ADCY9: variants seen among roughly 807,000 people sequenced by gnomAD.
ADCY9 encodes the protein adenylate cyclase 9.
ADCY9 carries 50 observed loss-of-function variants against 101.5 expected under a neutral mutation model. The ratio of observed to expected loss-of-function variants is 0.49; its 90% confidence interval spans 0.39 to 0.62. ADCY9 has a LOEUF of 0.62. Ranked by LOEUF, ADCY9 falls within the 20% of genes least tolerant of loss-of-function variation. The probability of loss-of-function intolerance (pLI) is 0.00; values close to 1 mark genes in which losing one functional copy is unlikely to be tolerated. For missense variants in ADCY9, 1,662 were observed against 1,800.4 expected, an observed-to-expected ratio of 0.92 and a Z score of 1.39; for synonymous variants, 905 against 769.3, an observed-to-expected ratio of 1.18 and a Z score of -2.92.
chr16:4,087,853 TTC>T (rs2056949418), intron 2 of ADCY9, among the ~76,000 whole-genome samples: 2 of 151,682 alleles, frequency 1.3e-5, no homozygotes, highest in East Asian at 3.9e-4. Context: ...TCTTTCTCTT[TTC>T]TTTGTTTCTC....
intron 2 of ADCY9, among the ~76,000 whole-genome samples, chr16:4,012,475 C>CA (rs35681254): frequency 0.064 from 8,834 of 138,952 alleles, 353 homozygotes; most frequent in Non-Finnish European, 0.085. Context: ...GCAGAAGGTC[C>CA]AAAAAAAAAA....
chr16:3,994,793 C>G (rs970578780), intron 3 of ADCY9, among the ~76,000 whole-genome samples: 1 of 152,152 alleles, frequency 6.6e-6, no homozygotes, highest in Admixed American at 6.5e-5. Flanking sequence ...AATTATATCT[C>G]AACAAAGCTG....
At chr16:4,039,805 G>T (rs184691638) in intron 2 of ADCY9, among the ~76,000 whole-genome samples, 1 of 152,026 alleles carries the variant, frequency 6.6e-6, no homozygotes, top group Non-Finnish European at 1.5e-5. Flanking sequence ...TTGGGAGGTC[G>T]AGGCAGGCGG....
At chr16:3,974,773 C>A (rs2056080229) in intron 9 of ADCY9, 63 bp from the exon 10 acceptor site, 1 of 1,338,254 alleles carries the variant, frequency 7.5e-7, no homozygotes, top group Admixed American at 1.7e-5. Flanking sequence ...ACAAGGCAAC[C>A]TGAGAAGAGC....
At chr16:3,971,306 T>C (rs1462977065) in intron 10 of ADCY9, among the ~76,000 whole-genome samples, 1 of 152,156 alleles carries the variant, frequency 6.6e-6, no homozygotes, top group Non-Finnish European at 1.5e-5. Context: ...AAACGTCAAC[T>C]CACACACCCT....
intron 9 of ADCY9, among the ~76,000 whole-genome samples, chr16:3,977,160 G>T (rs1230194683): frequency 2.0e-5 from 3 of 152,096 alleles, no homozygotes; most frequent in Non-Finnish European, 4.4e-5. Flanking sequence ...AATCCTTCAG[G>T]TCCTACTTTC....
chr16:4,049,165 G>T lies in ADCY9; in HGVS notation c.1694-41607C>A, dbSNP rs114722753. The stretch of plus-strand genomic sequence containing the variant: ...GAGTGGTTGCCAAGCTCACCCAGAA[G>T]AGGAGGTCCCACTGGTCCCTGAGTC... On this transcript the variant is annotated intron_variant, in intron 2 of 10. Coordinates refer to ENST00000294016, the MANE Select transcript of ADCY9 (RefSeq NM_001116.4). Among the ~76,000 whole-genome samples, 1,065 of 152,314 alleles carry T rather than the reference G, an allele frequency of 7.0e-3. 20 individuals carry two copies. The highest frequency in any genetic ancestry group is 0.024 in the African/African-American group (1,018 of 41,566).
intron 5 of ADCY9, among the ~76,000 whole-genome samples, chr16:3,990,501 G>A (rs2056235554): frequency 6.6e-6 from 1 of 150,500 alleles, no homozygotes; most frequent in Non-Finnish European, 1.5e-5. Flanking sequence ...GGTGAAATAT[G>A]TCAAGTGCCT....
chr16:4,036,223 G>T (rs1389807364), intron 2 of ADCY9, among the ~76,000 whole-genome samples: 1 of 151,818 alleles, frequency 6.6e-6, no homozygotes, highest in Non-Finnish European at 1.5e-5. Context: ...GTGATCATGT[G>T]GTCAACCCTG....
At chr16:4,077,857 G>C (rs982668780) in intron 2 of ADCY9, among the ~76,000 whole-genome samples, 3 of 151,952 alleles carry the variant, frequency 2.0e-5, no homozygotes, top group Non-Finnish European at 4.4e-5. Context: ...AAAGAAATTA[G>C]CCAGGCGTGG....
intron 2 of ADCY9, among the ~76,000 whole-genome samples, chr16:4,055,617 A>C (rs1490013699): frequency 2.0e-5 from 3 of 152,010 alleles, no homozygotes; most frequent in African/African-American, 7.2e-5. Flanking sequence ...GGGGATCACG[A>C]GGTCAGGAGA....
At chr16:4,025,629 G>T (rs35228171) in intron 2 of ADCY9, among the ~76,000 whole-genome samples, 3 of 152,188 alleles carry the variant, frequency 2.0e-5, no homozygotes, top group Non-Finnish European at 2.9e-5. Context: ...GAAATGGCCC[G>T]GGGGTGTGGC....
At chr16:4,020,161 C>T (rs909503067) in intron 2 of ADCY9, among the ~76,000 whole-genome samples, 5 of 152,184 alleles carry the variant, frequency 3.3e-5, no homozygotes, top group Non-Finnish European at 7.3e-5. Flanking sequence ...AGTTCTGTGG[C>T]CTCCAGGCAC....
chr16:4,102,807 C>T (rs543171149), intron 2 of ADCY9, among the ~76,000 whole-genome samples: 16 of 152,238 alleles, frequency 1.1e-4, no homozygotes, highest in African/African-American at 3.6e-4. Flanking sequence ...CTGCAGCCTC[C>T]GCCTCCCAGG....
chr16:4,083,726 A>G (rs2056919691), intron 2 of ADCY9, among the ~76,000 whole-genome samples: 3 of 152,214 alleles, frequency 2.0e-5, no homozygotes, highest in Admixed American at 6.5e-5. Flanking sequence ...AACCCAGAAA[A>G]CATTAGGCTC....
At chr16:3,988,524 G>GGGGGGGGT (rs2056215585) in intron 6 of ADCY9, among the ~76,000 whole-genome samples, 1 of 139,114 alleles carries the variant, frequency 7.2e-6, no homozygotes, top group Non-Finnish European at 1.6e-5. Flanking sequence ...CAGGGCAGGT[G>GGGGGGGGT]TCGGGGTTCC....
chr16:4,111,777 G>A (rs2057115269), intron 2 of ADCY9, among the ~76,000 whole-genome samples: 1 of 148,630 alleles, frequency 6.7e-6, no homozygotes, highest in African/African-American at 2.5e-5. Context: ...GTACACAAAT[G>A]TCAAGAAAAG....
chr16:4,086,214 A>G (rs1240584585), intron 2 of ADCY9, among the ~76,000 whole-genome samples: 2 of 152,052 alleles, frequency 1.3e-5, no homozygotes, highest in Non-Finnish European at 2.9e-5. Flanking sequence ...GGGAGGTCAC[A>G]TCTATCGAGG....
intron 6 of ADCY9, among the ~76,000 whole-genome samples, chr16:3,988,371 T>C (rs969780440): frequency 6.7e-6 from 1 of 148,558 alleles, no homozygotes; most frequent in Non-Finnish European, 1.5e-5. Context: ...GAGAAGAGTC[T>C]CACCCAAGAC....
Sources: allele counts gnomAD v4.1 joint callset (sites outside exome capture counted in the v4.1 genomes callset), GRCh38; gene constraint gnomAD v4.1.1; transcripts MANE v1.5; gene names NCBI Gene and HGNC (gene_info 2026-07-23, HGNC 2026-07-21).